CGRRF1: variants seen among roughly 807,000 people sequenced by gnomAD.
The protein encoded by CGRRF1 is cell growth regulator with ring finger domain 1.
Under a neutral mutation model 37.2 loss-of-function variants are expected in CGRRF1, and 32 were observed. The ratio of observed to expected loss-of-function variants is 0.86; its 90% CI spans 0.65 to 1.16. CGRRF1 has a LOEUF of 1.16. Among genes scored for constraint, CGRRF1 ranks in the 50% most tolerant of loss-of-function variants. CGRRF1 has a pLI of 0.00. For missense variants in CGRRF1, 391 were observed against 382.6 expected, an observed-to-expected ratio of 1.02 and a Z score of -0.18; for synonymous variants, 141 against 140.3, an observed-to-expected ratio of 1.00 and a Z score of -0.04.
intron 1 of CGRRF1, among the ~76,000 whole-genome samples, chr14:54,520,343 CA>C (rs2032295008): frequency 6.6e-6 from 1 of 152,084 alleles, no homozygotes; most frequent in African/African-American, 2.4e-5. Flanking sequence ...CTGTGTTAAT[CA>C]GGACGGTCTC....
At chr14:54,524,444 A>C (rs1027370823) in intron 2 of CGRRF1, among the ~76,000 whole-genome samples, 1 of 146,254 alleles carries the variant, frequency 6.8e-6, no homozygotes, top group African/African-American at 2.6e-5. Flanking sequence ...GGAATGCAGT[A>C]GTATGATCAT....
chr14:54,522,525 A>C lies in CGRRF1; in HGVS notation c.176A>C (p.Lys59Thr). 1 of 1,609,690 alleles carries C rather than the reference A, an allele frequency of 6.2e-7. No homozygotes were observed. Among genetic ancestry groups the C allele is most frequent in the South Asian group, 1.1e-5 (1 of 89,950 alleles). The change falls in exon 2 of 6, where the codon AAG becomes ACG. Residue 59 changes from lysine (K) to threonine (T), a missense_variant. Physicochemically the swap from Lys to Thr is moderately conservative, Grantham distance 78 (BLOSUM62 -1). Coordinates refer to ENST00000216420, the MANE Select transcript of CGRRF1 (RefSeq NM_006568.3). ...ETQFSTRVFK[K>T]QMRQVKNPFG... ...CAGTTCAGCACAAGAGTTTTCAAAA[A>C]GCAAATGAGACAAGTCAAGAATCCT... is the stretch of plus-strand genomic sequence containing the variant.
At chr14:54,520,856 C>G (rs1350131918) in intron 1 of CGRRF1, among the ~76,000 whole-genome samples, 1 of 151,932 alleles carries the variant, frequency 6.6e-6, no homozygotes, top group African/African-American at 2.4e-5. Context: ...TCTGTGGGGT[C>G]TTTTTAATTT....
chr14:54,517,006 C>T (rs1346022746), intron 1 of CGRRF1, among the ~76,000 whole-genome samples: 1 of 152,030 alleles, frequency 6.6e-6, no homozygotes, highest in Non-Finnish European at 1.5e-5. Context: ...TTGATTTGGG[C>T]CTTTTAAATA....
intron 4 of CGRRF1, 52 bp downstream of exon 4, chr14:54,531,102 G>A (rs769854142): frequency 3.0e-6 from 4 of 1,340,316 alleles, no homozygotes; most frequent in African/African-American, 1.5e-5. Flanking sequence ...TTGAATGGTG[G>A]TTCTTCATTA....
intron 1 of CGRRF1, among the ~76,000 whole-genome samples, chr14:54,512,339 C>T (rs977197107): frequency 2.0e-5 from 3 of 152,226 alleles, no homozygotes; most frequent in Non-Finnish European, 4.4e-5. Context: ...AAGCATGCAA[C>T]TGGAAATATA....
At chr14:54,532,333 T>C (rs2032529386) in intron 4 of CGRRF1, among the ~76,000 whole-genome samples, 1 of 151,990 alleles carries the variant, frequency 6.6e-6, no homozygotes, top group South Asian at 2.1e-4. Flanking sequence ...TTCCAAGTCA[T>C]GGGGAGCAGA....
Position 54,531,084 on chromosome 14 carries a change from T to G in CGRRF1, c.570+34T>G, listed in dbSNP as rs769175887. On this transcript the variant is annotated intron_variant, in intron 4 of 5. Transcript: ENST00000216420. ...TTGAAAATTTTGAAAGCATTACCTT[T>G]AAGTGATTTGAATGGTGGTTCTTCA... 3 of 1,492,662 alleles carry G rather than the reference T, an allele frequency of 2.0e-6. No homozygotes were observed. The East Asian group carries it at 6.8e-5, about 34-fold the overall frequency. 92.5% of individuals were successfully genotyped at this position (1,492,662 alleles called of 1,614,324 possible). A position where few individuals can be genotyped will look rare whatever the true frequency, so the allele number is the denominator to read the frequency against.
At chr14:54,510,211 C>A in intron 1 of CGRRF1, 148 bp downstream of exon 1, 1 of 625,446 alleles carries the variant, frequency 1.6e-6, no homozygotes, top group East Asian at 2.7e-5. Flanking sequence ...CCGACTTTCT[C>A]TGGGAGGAAA....
chr14:54,510,103 G>C, intron 1 of CGRRF1, 40 bp downstream of exon 1: 1 of 1,473,032 alleles, frequency 6.8e-7, no homozygotes, highest in Non-Finnish European at 9.5e-7. Flanking sequence ...GGCGGATACC[G>C]CCAGAGTGGG....
chr14:54,527,778 A>C (rs1268564653), intron 2 of CGRRF1, among the ~76,000 whole-genome samples: 11 of 147,684 alleles, frequency 7.4e-5, no homozygotes, highest in African/African-American at 2.8e-4. Context: ...TCTTTTTTTG[A>C]AACAGGGTCT....
At chr14:54,529,919 C>A in intron 2 of CGRRF1, 130 bp from the exon 3 acceptor site, 1 of 636,426 alleles carries the variant, frequency 1.6e-6, no homozygotes, top group Non-Finnish European at 2.7e-6. Flanking sequence ...GAGGCATACC[C>A]TTTAACAAGT....
At chr14:54,512,242 A>T (rs1311189436) in intron 1 of CGRRF1, among the ~76,000 whole-genome samples, 1 of 151,998 alleles carries the variant, frequency 6.6e-6, no homozygotes, top group African/African-American at 2.4e-5. Context: ...GCTTCTTTCC[A>T]CTGTTTGCCA....
Position 54,511,076 on chromosome 14 carries a change from A to T in CGRRF1, c.104+1013A>T, listed in dbSNP as rs1364923912. 2.0e-5 allele frequency among the ~76,000 whole-genome samples: 3 copies of T among 150,904 alleles called. No individual in the cohort carries two copies. The East Asian group carries it at 5.8e-4, about 29-fold the overall frequency. Reference sequence around the variant, plus strand: ...ATCTCAGAGAAGACAGCATGAGCATAGGGGCAGAGAACATGTTAGTGAATA... The same window carrying T: ...ATCTCAGAGAAGACAGCATGAGCATTGGGGCAGAGAACATGTTAGTGAATA... On this transcript the variant is annotated intron_variant, in intron 1 of 5. Transcript: ENST00000216420.
chr14:54,521,421 A>G lies in CGRRF1; in HGVS notation c.105-1033A>G, dbSNP rs750072074. On this transcript the variant is annotated intron_variant, in intron 1 of 5. Transcript: ENST00000216420. ...GGTTATAGTGAGCCAAGATCACGCC[A>G]TTGCACTCCAGCCTGGGCAACAAGA... Among the ~76,000 whole-genome samples, 52 of 151,460 alleles carry G rather than the reference A, an allele frequency of 3.4e-4. 1 individual carries two copies. The highest frequency in any genetic ancestry group is 6.2e-4 in the Non-Finnish European group (42 of 67,854).
intron 2 of CGRRF1, among the ~76,000 whole-genome samples, chr14:54,524,573 TG>T (rs2032381348): frequency 6.6e-6 from 1 of 151,836 alleles, no homozygotes; most frequent in Non-Finnish European, 1.5e-5. Flanking sequence ...AAATGTTTTT[TG>T]TGGAGATGGG....
At chr14:54,528,795 C>G (rs908432723) in intron 2 of CGRRF1, among the ~76,000 whole-genome samples, 1 of 152,110 alleles carries the variant, frequency 6.6e-6, no homozygotes, top group Non-Finnish European at 1.5e-5. Flanking sequence ...ATGCAAAGTT[C>G]CTACCAATTA....
At chr14:54,523,610 A>G (rs1490283750) in intron 2 of CGRRF1, among the ~76,000 whole-genome samples, 1 of 151,532 alleles carries the variant, frequency 6.6e-6, no homozygotes, top group Non-Finnish European at 1.5e-5. Flanking sequence ...GGAGTGATAC[A>G]TTAAAGAAAC....
At chr14:54,525,967 A>G (rs1052813564) in intron 2 of CGRRF1, among the ~76,000 whole-genome samples, 8 of 151,952 alleles carry the variant, frequency 5.3e-5, no homozygotes, top group Non-Finnish European at 8.8e-5. Flanking sequence ...GTGGTGGCAC[A>G]TGCCTGTTAG....
Sources: allele counts gnomAD v4.1 joint callset (sites outside exome capture counted in the v4.1 genomes callset), GRCh38; gene constraint gnomAD v4.1.1; transcripts MANE v1.5; gene names NCBI Gene and HGNC (gene_info 2026-07-23, HGNC 2026-07-21).